The following CACNG3 variants were observed in gnomAD, a reference collection of about 807,000 sequenced individuals.
CACNG3 encodes the protein calcium voltage-gated channel auxiliary subunit gamma 3.
In CACNG3, 3 loss-of-function variants were observed where a neutral mutation model predicts 28.5. The observed-to-expected ratio is 0.11, with a 90% confidence interval of 0.05 to 0.27. The LOEUF is 0.27. Ranked by LOEUF, CACNG3 falls within the 10% of genes least tolerant of loss-of-function variation. CACNG3 has a pLI of 1.00. For missense variants in CACNG3, 236 were observed against 414.4 expected (o/e 0.57, Z 3.74); for synonymous variants, 174 against 162.2 (o/e 1.07, Z -0.55).
intron 1 of CACNG3, among the ~76,000 whole-genome samples, chr16:24,344,652 C>T (rs1899837156): frequency 6.6e-6 from 1 of 152,140 alleles, no homozygotes; most frequent in African/African-American, 2.4e-5. Flanking sequence ...AGTCTTCTCT[C>T]CTGAACCTCC....
chr16:24,263,923 CAAG>C lies in CACNG3; in HGVS notation c.211+6964_211+6966del, dbSNP rs1204696242. Among the ~76,000 whole-genome samples, 20 of 152,336 alleles carry C rather than the reference CAAG, an allele frequency of 1.3e-4. No individual in the cohort carries two copies. The East Asian group carries it at 3.9e-3, about 29-fold the overall frequency. ...TTCCTCAGTGAGGTACCTGTGGCTCCAAGAAGAATCATTCATAATGATTGAGTG... is the reference window on the plus strand; with the variant it reads ...TTCCTCAGTGAGGTACCTGTGGCTCCAAGAATCATTCATAATGATTGAGTG... On this transcript the variant is annotated intron_variant, in intron 1 of 3. Coordinates refer to ENST00000005284, the MANE Select transcript of CACNG3 (RefSeq NM_006539.4).
chr16:24,258,468 A>G lies in CACNG3; in HGVS notation c.211+1503A>G, dbSNP rs564953261. On this transcript the variant is annotated intron_variant, in intron 1 of 3. Transcript: ENST00000005284. Reference sequence around the variant, plus strand: ...ACCCTCTCCAACTCTCAGTTTATTCATCTGGGAAATGATACGTTTGGATTA... The same window carrying G: ...ACCCTCTCCAACTCTCAGTTTATTCGTCTGGGAAATGATACGTTTGGATTA... Among the ~76,000 whole-genome samples the G allele has an allele frequency of 1.4e-4, 21 of 152,318 alleles. No homozygotes were observed. In the South Asian group the frequency reaches 4.3e-3, roughly 32 times the overall value.
chr16:24,264,080 T>C (rs1387993002), intron 1 of CACNG3, among the ~76,000 whole-genome samples: 1 of 152,256 alleles, frequency 6.6e-6, no homozygotes, highest in Non-Finnish European at 1.5e-5. Context: ...TGAAGTTCTG[T>C]GTGTGGATTG....
At chr16:24,262,051 A>G (rs2141343676) in intron 1 of CACNG3, among the ~76,000 whole-genome samples, 1 of 152,290 alleles carries the variant, frequency 6.6e-6, no homozygotes, top group Middle Eastern at 3.4e-3. Context: ...TCTCCGCCCA[A>G]GTAGAATGTG....
rs528785999 is a variant in CACNG3, at chr16:24,292,098, G to A, written c.211+35133G>A. ...ACTGGCTTCTGGGCACAGGTGGAGCGGATAACCGGGCAGGCGGAGGAGGAA... is the reference window on the plus strand; with the variant it reads ...ACTGGCTTCTGGGCACAGGTGGAGCAGATAACCGGGCAGGCGGAGGAGGAA... On this transcript the variant is annotated intron_variant, in intron 1 of 3. Transcript: ENST00000005284. Among the ~76,000 whole-genome samples, 24 of 152,178 alleles carry A rather than the reference G, an allele frequency of 1.6e-4. 1 individual carries two copies. The South Asian group carries it at 4.2e-3, about 26-fold the overall frequency.
intron 2 of CACNG3, among the ~76,000 whole-genome samples, chr16:24,348,875 C>T (rs1899904914): frequency 6.6e-6 from 1 of 152,194 alleles, no homozygotes; most frequent in Non-Finnish European, 1.5e-5. Flanking sequence ...CTCTTCACAA[C>T]TTGTATAGCT....
chr16:24,298,007 G>A (rs1899055912), intron 1 of CACNG3, among the ~76,000 whole-genome samples: 1 of 151,984 alleles, frequency 6.6e-6, no homozygotes, highest in African/African-American at 2.4e-5. Flanking sequence ...GTGTGTGTGT[G>A]TGTGTGTGTG....
intron 1 of CACNG3, among the ~76,000 whole-genome samples, chr16:24,346,102 G>A (rs1899862421): frequency 6.6e-6 from 1 of 152,216 alleles, no homozygotes; most frequent in Non-Finnish European, 1.5e-5. Flanking sequence ...ACTGACTGGA[G>A]GAGAGGGGAA....
chr16:24,268,802 T>C (rs1294352457), intron 1 of CACNG3, among the ~76,000 whole-genome samples: 1 of 152,220 alleles, frequency 6.6e-6, no homozygotes, highest in Non-Finnish European at 1.5e-5. Flanking sequence ...ATCAGGTCCA[T>C]GGCTGTTCCA....
chr16:24,311,575 G>A (rs913426031), intron 1 of CACNG3, among the ~76,000 whole-genome samples: 1 of 151,050 alleles, frequency 6.6e-6, no homozygotes, highest in Non-Finnish European at 1.5e-5. Context: ...AATTAAATGG[G>A]CCTGGCGTGG....
At chr16:24,351,763 G>GAGAC (rs1410345973) in intron 2 of CACNG3, among the ~76,000 whole-genome samples, 1 of 145,740 alleles carries the variant, frequency 6.9e-6, no homozygotes, top group African/African-American at 2.5e-5. Context: ...AAGGAAGAGA[G>GAGAC]AGAGAGAAAG....
intron 1 of CACNG3, among the ~76,000 whole-genome samples, chr16:24,274,767 G>A (rs921579135): frequency 5.9e-5 from 9 of 152,128 alleles, no homozygotes; most frequent in South Asian, 2.1e-4. Flanking sequence ...AACAGCAAGC[G>A]CCTACTGAGT....
At chr16:24,333,095 C>G (rs551194411) in intron 1 of CACNG3, among the ~76,000 whole-genome samples, 3 of 152,202 alleles carry the variant, frequency 2.0e-5, no homozygotes, top group South Asian at 4.2e-4. Flanking sequence ...CAAAAATGAC[C>G]CATTTTATGA....
chr16:24,308,776 G>A (rs2141363413), intron 1 of CACNG3, among the ~76,000 whole-genome samples: 1 of 134,546 alleles, frequency 7.4e-6, no homozygotes, highest in Non-Finnish European at 1.5e-5. Flanking sequence ...GGAGTTCAAA[G>A]CTGCAGTGAG....
chr16:24,345,773 AG>A (rs1489980330), intron 1 of CACNG3, among the ~76,000 whole-genome samples: 2 of 152,200 alleles, frequency 1.3e-5, no homozygotes, highest in East Asian at 1.9e-4. Flanking sequence ...AGGCTCCCAA[AG>A]GGGTGAACCT....
At chr16:24,287,925 A>G (rs974762062) in intron 1 of CACNG3, among the ~76,000 whole-genome samples, 10 of 152,208 alleles carry the variant, frequency 6.6e-5, no homozygotes, top group Non-Finnish European at 1.2e-4. Context: ...CCTGAGCAAC[A>G]TAGTGAACCC....
chr16:24,267,218 G>A (rs1367345816), intron 1 of CACNG3, among the ~76,000 whole-genome samples: 1 of 151,990 alleles, frequency 6.6e-6, no homozygotes, highest in Non-Finnish European at 1.5e-5. Context: ...CGCCCGCCTT[G>A]GCCTCTCAAA....
chr16:24,338,317 GT>G (rs2141376594), intron 1 of CACNG3, among the ~76,000 whole-genome samples: 1 of 152,004 alleles, frequency 6.6e-6, no homozygotes, highest in East Asian at 1.9e-4. Context: ...ACATCATCCT[GT>G]TTTGTATCTT....
At chr16:24,270,054 T>G (rs1567207377) in intron 1 of CACNG3, among the ~76,000 whole-genome samples, 1 of 152,184 alleles carries the variant, frequency 6.6e-6, no homozygotes, top group Non-Finnish European at 1.5e-5. Context: ...TATATACATT[T>G]GGTCACCTGC....
Sources: gnomAD v4.1 joint callset for allele counts (sites outside exome capture counted in the v4.1 genomes callset) on GRCh38, gnomAD v4.1.1 for gene constraint, MANE v1.5 for transcripts, NCBI Gene and HGNC (gene_info 2026-07-23, HGNC 2026-07-21) for gene names.